Variants in CD1C observed in about 807,000 individuals in gnomAD.
CD1C encodes T-cell surface glycoprotein CD1c.
Under a neutral mutation model 39.4 loss-of-function variants are expected in CD1C, and 47 were observed. The observed-to-expected ratio is 1.19, with a 90% CI of 0.94 to 1.52. The LOEUF is 1.52. Ranked by LOEUF, CD1C falls within the 40% of genes most tolerant of loss-of-function variation. The pLI is 0.00. For synonymous variants in CD1C, 165 were observed against 150.8 expected (o/e 1.09, Z -0.69); for missense variants, 417 against 395.2 (o/e 1.06, Z -0.47).
intron 1 of CD1C, 124 bp from the exon 2 acceptor site, chr1:158,291,010 G>T (rs1016807841): frequency 4.0e-6 from 4 of 1,008,386 alleles, no homozygotes; most frequent in African/African-American, 1.6e-5. Context: ...AAGGAAAATG[G>T]TATAGCTAAA....
chr1:158,293,170 T>G, intron 4 of CD1C, 42 bp from the exon 5 acceptor site: 6 of 1,419,408 alleles, frequency 4.2e-6, no homozygotes, highest in Non-Finnish European at 5.9e-6. Flanking sequence ...GAATCAGCAG[T>G]GAGTTTAAAA....
Position 158,293,216 on chromosome 1 carries a change from C to T in CD1C, c.894C>T (p.His298=), listed in dbSNP as rs568340221. Residue 298 remains histidine (H), a synonymous_variant, in exon 5 of 6, where the codon CAC becomes CAT. Coordinates refer to ENST00000368170, the MANE Select transcript of CD1C (RefSeq NM_001765.3). ...GTATCTTTCCAATATGTGCAGGACA[C>T]CACTTTTCCATGAATTGGATTGCCT... ...GGQDIILYWG[H]HFSMNWIALV... is the part of the protein sequence containing the mutation. The T allele has an allele frequency of 5.0e-6, 8 of 1,612,406 alleles. No homozygotes were observed. In the African/African-American group the frequency reaches 1.1e-4, roughly 21 times the overall value.
chr1:158,293,028 T>A (rs773306467), intron 4 of CD1C, among the ~76,000 whole-genome samples, 154 bp downstream of exon 4: 72 of 152,216 alleles, frequency 4.7e-4, no homozygotes, highest in Non-Finnish European at 9.0e-4. Flanking sequence ...AAGGGATACA[T>A]GGATACTAGA....
Position 158,291,261 on chromosome 1 carries a change from C to A in CD1C, c.189C>A (p.Gly63=). 2.5e-6 allele frequency: 4 copies of A among 1,614,120 alleles called. No homozygotes were observed. The highest frequency in any genetic ancestry group is 3.4e-6 in the Non-Finnish European group (4 of 1,180,014). The change falls in exon 2 of 6, where the codon GGC becomes GGA. Residue 63 remains glycine (G), a synonymous_variant. Coordinates refer to ENST00000368170, the MANE Select transcript of CD1C (RefSeq NM_001765.3). ...CTCATGGCTGGGACAGTGAATCAGG[C>A]ACAATAATTTTCCTGCATAACTGGT... is the stretch of plus-strand genomic sequence containing the variant. ...LQTHGWDSES[G]TIIFLHNWSK...
rs1047560169 is a variant in CD1C at position 158,294,462 on chromosome 1, C to G, written c.*986C>G. ...TGCAATGTTTGCTTCCTCAATCTGT[C>G]CATGTTTCTTTTCTATTGTTTTCAT... On this transcript the variant is annotated 3_prime_UTR_variant, in exon 6 of 6. Transcript: ENST00000368170. 1.3e-5 allele frequency among the ~76,000 whole-genome samples: 2 copies of G among 152,090 alleles called. No individual in the cohort carries two copies. Among genetic ancestry groups the G allele is most frequent in the Non-Finnish European group, 2.9e-5 (2 of 68,002 alleles).
chr1:158,290,449 G>T (rs1223387515), intron 1 of CD1C, among the ~76,000 whole-genome samples: 1 of 152,152 alleles, frequency 6.6e-6, no homozygotes, highest in Non-Finnish European at 1.5e-5. Context: ...GGTCCAGAGG[G>T]ATGAAGCAAC....
Position 158,292,105 on chromosome 1 carries a change from AAGCGGGCTGTG to A in CD1C, c.354_364del (p.Gly119AlafsTer49), listed in dbSNP as rs1423148416. 13 of 1,614,026 alleles carry A rather than the reference AAGCGGGCTGTG, an allele frequency of 8.1e-6. No homozygotes were observed. The highest frequency in any genetic ancestry group is 1.0e-5 in the Non-Finnish European group (12 of 1,180,022). On this transcript the variant is annotated frameshift_variant, in exon 3 of 6. Coordinates refer to ENST00000368170, the MANE Select transcript of CD1C (RefSeq NM_001765.3). LOFTEE classifies it high-confidence loss of function. ...CCAGATCCCTTTGAAGTACAGGTGA[AAGCGGGCTGTG>A]AGCTGCATTCTGGAAAGAGCCCAGA...
rs371552732 is a variant in CD1C at position 158,290,062 on chromosome 1, G to T, written c.-3G>T. 18 of 1,613,534 alleles carry T rather than the reference G, an allele frequency of 1.1e-5. No individual in the cohort carries two copies. The highest frequency in any genetic ancestry group is 2.7e-5 in the African/African-American group (2 of 74,898). On this transcript the variant is annotated 5_prime_UTR_variant, in exon 1 of 6. An upstream start codon of the reference 5' UTR is lost. Transcript: ENST00000368170. The stretch of plus-strand genomic sequence containing the variant: ...CTGAGAGAAAGAAACATCTGCAAAT[G>T]ACATGCTGTTTCTGCAGTTTCTGCT...
At chr1:158,291,487 A>T in intron 2 of CD1C, 87 bp downstream of exon 2, 1 of 1,330,882 alleles carries the variant, frequency 7.5e-7, no homozygotes, top group Middle Eastern at 2.6e-4. Flanking sequence ...GCCATTTCCC[A>T]TTATCCCATC....
At chr1:158,292,031 G>T in intron 2 of CD1C, 53 bp from the exon 3 acceptor site, 1 of 1,549,918 alleles carries the variant, frequency 6.5e-7, no homozygotes, top group Non-Finnish European at 8.7e-7. Context: ...TTTTTATACT[G>T]TTGTTTTCAC....
intron 4 of CD1C, 49 bp from the exon 5 acceptor site, chr1:158,293,163 T>C (rs766840101): frequency 1.5e-6 from 2 of 1,358,826 alleles, no homozygotes; most frequent in Middle Eastern, 1.8e-4. Flanking sequence ...TGGAATAGAA[T>C]CAGCAGTGAG....
intron 5 of CD1C, 34 bp downstream of exon 5, chr1:158,293,336 T>C (rs757820186): frequency 1.3e-6 from 2 of 1,596,922 alleles, no homozygotes; most frequent in African/African-American, 2.7e-5. Flanking sequence ...CTCCTCCCAG[T>C]TTCTTATTTC....
Position 158,292,136 on chromosome 1 carries a change from C to T in CD1C, c.381C>T (p.Ser127=). Residue 127 remains serine, a synonymous_variant, in exon 3 of 6, where the codon AGC becomes AGT. Transcript: ENST00000368170. The stretch of plus-strand genomic sequence containing the variant: ...GCTGTGAGCTGCATTCTGGAAAGAG[C>T]CCAGAAGGCTTCTTTCAGGTAGCTT... ...KAGCELHSGK[S]PEGFFQVAFN... 3 of 1,614,038 alleles carry T rather than the reference C, an allele frequency of 1.9e-6. No homozygotes were observed. The highest frequency in any genetic ancestry group is 2.2e-5 in the East Asian group (1 of 44,874).
rs1251843917 is a variant in CD1C at position 158,290,122 on chromosome 1, G to A, written c.58G>A (p.Asp20Asn). ...ALLLPGGDNADASQEHVSFHV... is the reference protein window; with the variant it reads ...ALLLPGGDNANASQEHVSFHV... ...TCTTCTCCCAGGTGGTGACAATGCAGACGGTAAGAACATCGCTGTCAGCTG... is the reference window on the plus strand; with the variant it reads ...TCTTCTCCCAGGTGGTGACAATGCAAACGGTAAGAACATCGCTGTCAGCTG... The change falls in exon 1 of 6, where the codon GAC becomes AAC. Residue 20 changes from aspartate (D) to asparagine (N), a missense_variant. Asp to Asn is a conservative substitution (Grantham distance 23, BLOSUM62 1). Transcript: ENST00000368170. 2.5e-6 allele frequency: 4 copies of A among 1,613,692 alleles called. No homozygotes were observed. Among genetic ancestry groups the A allele is most frequent in the East Asian group, 2.2e-5 (1 of 44,890 alleles).
rs115248892 is a variant in CD1C, at chr1:158,292,829, G to T, written c.844G>T (p.Val282Leu). The T allele has an allele frequency of 2.5e-3, 4,029 of 1,614,204 alleles. 7 individuals are homozygous for T. The highest frequency in any genetic ancestry group is 3.1e-3 in the Non-Finnish European group (3,611 of 1,180,032). ...GGAGCCTGCTGGCCTGTCTTGTCGAGTGAGACACAGCAGTCTAGGAGGCCA... is the reference window on the plus strand; with the variant it reads ...GGAGCCTGCTGGCCTGTCTTGTCGATTGAGACACAGCAGTCTAGGAGGCCA... The part of the protein sequence containing the change: ...SEEPAGLSCR[V>L]RHSSLGGQDI... The change falls in exon 4 of 6, where the codon GTG becomes TTG. Residue 282 changes from valine (V) to leucine (L), a missense_variant. Coordinates refer to ENST00000368170, the MANE Select transcript of CD1C (RefSeq NM_001765.3).
Position 158,293,615 on chromosome 1 carries a change from A to G in CD1C, c.*139A>G, listed in dbSNP as rs183570192. The G allele has an allele frequency of 3.8e-3, 5,985 of 1,594,510 alleles. 18 individuals carry two copies. The highest frequency in any genetic ancestry group is 4.8e-3 in the Non-Finnish European group (5,601 of 1,167,926). ...TAATAAACATTTGTTAATAAAAACC[A>G]AATTCTAATTTGGAATGTTTTTCTT... On this transcript the variant is annotated 3_prime_UTR_variant, in exon 6 of 6. Coordinates refer to ENST00000368170, the MANE Select transcript of CD1C (RefSeq NM_001765.3).
chr1:158,293,239 C>A lies in CD1C; in HGVS notation c.917C>A (p.Ala306Asp), dbSNP rs763179021. 3 of 1,613,988 alleles carry A rather than the reference C, an allele frequency of 1.9e-6. No homozygotes were observed. The highest frequency in any genetic ancestry group is 1.7e-5 in the Admixed American group (1 of 60,026). ...CACCACTTTTCCATGAATTGGATTGCCTTGGTAGTGATAGTGCCCTTGGTG... is the reference window on the plus strand; with the variant it reads ...CACCACTTTTCCATGAATTGGATTGACTTGGTAGTGATAGTGCCCTTGGTG... ...WGHHFSMNWI[A>D]LVVIVPLVIL... is the part of the protein sequence containing the mutation. The change falls in exon 5 of 6, where the codon GCC becomes GAC. Residue 306 changes from alanine to aspartate, a missense_variant. Coordinates refer to ENST00000368170, the MANE Select transcript of CD1C (RefSeq NM_001765.3).
At chr1:158,292,542 G>A in intron 3 of CD1C, 54 bp from the exon 4 acceptor site, 10 of 1,579,462 alleles carry the variant, frequency 6.3e-6, no homozygotes, top group Non-Finnish European at 8.6e-6. Context: ...TGTGTATGTG[G>A]ATGTAAGTTG....
rs1651164220 is a variant in CD1C, at chr1:158,294,525, T to C, written c.*1049T>C. 6.6e-6 allele frequency among the ~76,000 whole-genome samples: 1 copy of C among 152,248 alleles called. No homozygotes were observed. Among genetic ancestry groups the C allele is most frequent in the South Asian group, 2.1e-4 (1 of 4,834 alleles). On this transcript the variant is annotated 3_prime_UTR_variant, in exon 6 of 6. Transcript: ENST00000368170. Reference sequence around the variant, plus strand: ...TTCAAAAAATTTTAAATAGATTTTATTGATGTATAATTTATAGTAAAATTT... The same window carrying C: ...TTCAAAAAATTTTAAATAGATTTTACTGATGTATAATTTATAGTAAAATTT...
Sources: gnomAD v4.1 joint callset for allele counts (sites outside exome capture counted in the v4.1 genomes callset) on GRCh38, gnomAD v4.1.1 for gene constraint, MANE v1.5 for transcripts, NCBI Gene and HGNC (gene_info 2026-07-23, HGNC 2026-07-21) for gene names.